KCNB2: variants seen among roughly 807,000 people sequenced by gnomAD.
KCNB2 encodes delayed rectifier potassium channel protein.
A neutral mutation model predicts 61.5 loss-of-function variants in KCNB2; 15 were observed. The ratio of observed to expected loss-of-function variants is 0.24; its 90% CI spans 0.16 to 0.38. KCNB2 has a LOEUF of 0.38. KCNB2 is among the 10% of genes least tolerant of loss of function. The probability of loss-of-function intolerance (pLI) is 1.00; values close to 1 mark genes in which losing one functional copy is unlikely to be tolerated. For missense variants in KCNB2, 828 were observed against 1,125.2 expected (o/e 0.74, Z 3.78); for synonymous variants, 457 against 446.0 (o/e 1.02, Z -0.31).
chr8:72,740,547 T>G (rs1352483234), intron 2 of KCNB2, among the ~76,000 whole-genome samples: 1 of 152,148 alleles, frequency 6.6e-6, no homozygotes, highest in African/African-American at 2.4e-5. Context: ...AAAGAGCAAG[T>G]TCTCATGGGG....
chr8:72,884,021 G>GT (rs1190380032), intron 2 of KCNB2, among the ~76,000 whole-genome samples: 3 of 152,012 alleles, frequency 2.0e-5, no homozygotes, highest in Non-Finnish European at 4.4e-5. Context: ...TAATTGTATT[G>GT]TTTTAGCTCT....
chr8:72,773,184 C>T (rs1249048075), intron 2 of KCNB2, among the ~76,000 whole-genome samples: 2 of 152,168 alleles, frequency 1.3e-5, no homozygotes, highest in African/African-American at 2.4e-5. Flanking sequence ...TAGCATCTGT[C>T]GTGTGAATTA....
At chr8:72,933,914 A>G (rs1156796365) in intron 2 of KCNB2, among the ~76,000 whole-genome samples, 1 of 152,248 alleles carries the variant, frequency 6.6e-6, no homozygotes, top group Non-Finnish European at 1.5e-5. Flanking sequence ...GATAGAAAGT[A>G]TTTAACCTAG....
intron 1 of KCNB2, among the ~76,000 whole-genome samples, chr8:72,541,164 A>T (rs1223098780): frequency 6.6e-6 from 1 of 151,764 alleles, no homozygotes; most frequent in Non-Finnish European, 1.5e-5. Flanking sequence ...GGCAGTTGTT[A>T]TAAAACAATA....
At chr8:72,862,252 T>G (rs1805431684) in intron 2 of KCNB2, among the ~76,000 whole-genome samples, 1 of 152,232 alleles carries the variant, frequency 6.6e-6, no homozygotes. Context: ...CCACCATTTT[T>G]AATTTTTGCA....
intron 2 of KCNB2, among the ~76,000 whole-genome samples, chr8:72,638,327 A>T (rs1806000093): frequency 6.6e-6 from 1 of 152,118 alleles, no homozygotes; most frequent in Admixed American, 6.6e-5. Context: ...CCTCTATGGA[A>T]ATTCACAAAA....
intron 2 of KCNB2, among the ~76,000 whole-genome samples, chr8:72,770,338 C>A (rs1470039093): frequency 6.6e-6 from 1 of 152,168 alleles, no homozygotes; most frequent in Non-Finnish European, 1.5e-5. Context: ...ATTATTAAGA[C>A]ATAGGTTTTG....
At chr8:72,756,661 A>T (rs747405970) in intron 2 of KCNB2, among the ~76,000 whole-genome samples, 4 of 152,196 alleles carry the variant, frequency 2.6e-5, no homozygotes, top group Non-Finnish European at 5.9e-5. Context: ...AAAGTAGGGA[A>T]GTTATTGGTC....
At position 72,774,292 on chromosome 8, in the gene KCNB2, T is replaced by C. The variant is rs143437447; in HGVS notation, c.580-161643T>C. Among the ~76,000 whole-genome samples the C allele has an allele frequency of 1.7e-3, 256 of 152,320 alleles. 1 individual carries two copies. The highest frequency in any genetic ancestry group is 5.7e-3 in the African/African-American group (238 of 41,568). ...CTTATAAATGAACCAAAGGAGAATA[T>C]TTCTACAGTTTTACTTCCCACCCTT... On this transcript the variant is annotated intron_variant, in intron 2 of 2. Transcript: ENST00000523207.
intron 2 of KCNB2, among the ~76,000 whole-genome samples, chr8:72,651,597 TA>T (rs1384468047): frequency 1.3e-5 from 2 of 152,126 alleles, no homozygotes; most frequent in African/African-American, 2.4e-5. Flanking sequence ...GTAACTTGGC[TA>T]GAGGCCCAGA....
chr8:72,768,430 C>A (rs1354827613), intron 2 of KCNB2, among the ~76,000 whole-genome samples: 1 of 152,158 alleles, frequency 6.6e-6, no homozygotes, highest in African/African-American at 2.4e-5. Context: ...CCACCTCTGC[C>A]TCCCAAAGTG....
intron 2 of KCNB2, among the ~76,000 whole-genome samples, chr8:72,820,406 A>G (rs762756191): frequency 6.6e-6 from 1 of 152,150 alleles, no homozygotes; most frequent in African/African-American, 2.4e-5. Context: ...AATTTGCACA[A>G]TGAATTTCTC....
chr8:72,896,802 A>G lies in KCNB2; in HGVS notation c.580-39133A>G, dbSNP rs1055579626. On this transcript the variant is annotated intron_variant, in intron 2 of 2. Transcript: ENST00000523207. ...TCTTCTACATCTAGGCTCTGTCACTAGGAAGAAAAAGTCAAGAAATGAGTC... is the reference window on the plus strand; with the variant it reads ...TCTTCTACATCTAGGCTCTGTCACTGGGAAGAAAAAGTCAAGAAATGAGTC... Among the ~76,000 whole-genome samples the G allele has an allele frequency of 7.9e-5, 12 of 152,272 alleles. No homozygotes were observed. The East Asian group carries it at 2.3e-3, about 29-fold the overall frequency.
intron 2 of KCNB2, among the ~76,000 whole-genome samples, chr8:72,723,161 A>G (rs528834330): frequency 6.6e-6 from 1 of 152,214 alleles, no homozygotes; most frequent in African/African-American, 2.4e-5. Flanking sequence ...TGAAATGATT[A>G]GTTAATTAAA....
intron 2 of KCNB2, among the ~76,000 whole-genome samples, chr8:72,902,152 T>C (rs1806102583): frequency 6.6e-6 from 1 of 152,090 alleles, no homozygotes; most frequent in Non-Finnish European, 1.5e-5. Context: ...ATGGTTAGAT[T>C]AATCTATGGC....
At chr8:72,924,381 G>A (rs1806594163) in intron 2 of KCNB2, among the ~76,000 whole-genome samples, 1 of 151,932 alleles carries the variant, frequency 6.6e-6, no homozygotes, top group Non-Finnish European at 1.5e-5. Flanking sequence ...TAAGTGGCAT[G>A]CATTTATGTC....
intron 2 of KCNB2, among the ~76,000 whole-genome samples, chr8:72,906,633 G>T (rs917534142): frequency 4.6e-5 from 7 of 152,200 alleles, no homozygotes; most frequent in African/African-American, 1.7e-4. Context: ...ATAGAGAATT[G>T]CATCGTAAGA....
At chr8:72,870,363 T>TA (rs906541003) in intron 2 of KCNB2, among the ~76,000 whole-genome samples, 1 of 152,118 alleles carries the variant, frequency 6.6e-6, no homozygotes, top group Non-Finnish European at 1.5e-5. Flanking sequence ...AAATACATTT[T>TA]AAAAAAACAT....
At chr8:72,884,093 G>A (rs1369823232) in intron 2 of KCNB2, among the ~76,000 whole-genome samples, 2 of 152,054 alleles carry the variant, frequency 1.3e-5, no homozygotes, top group African/African-American at 2.4e-5. Context: ...TGGCATTGTC[G>A]AGGCTTCTAA....
Sources: allele counts gnomAD v4.1 joint callset (sites outside exome capture counted in the v4.1 genomes callset), GRCh38; gene constraint gnomAD v4.1.1; transcripts MANE v1.5; gene names NCBI Gene and HGNC (gene_info 2026-07-23, HGNC 2026-07-21).